The following KLHDC8A variants were observed in gnomAD, a reference collection of about 807,000 sequenced individuals.
KLHDC8A encodes the protein kelch domain-containing protein 8A.
KLHDC8A carries 21 observed loss-of-function variants against 33.1 expected under a neutral mutation model. The ratio of observed to expected loss-of-function variants is 0.64; its 90% CI spans 0.45 to 0.91. The LOEUF (loss-of-function observed/expected upper bound fraction) is 0.91, where lower values mean the gene tolerates loss of function less well. Among genes scored for constraint, KLHDC8A ranks in the 40% least tolerant of loss-of-function variants. The pLI, the probability that KLHDC8A is intolerant of heterozygous loss-of-function variation, is 0.00. For missense variants in KLHDC8A, 435 were observed against 483.3 expected (o/e 0.90, Z 0.94); for synonymous variants, 173 against 193.5 (o/e 0.89, Z 0.88).
At position 205,339,803 on chromosome 1, in the gene KLHDC8A, G is replaced by A. The variant is rs780958783; in HGVS notation, c.382C>T (p.Arg128Ter). 3.7e-6 allele frequency: 6 copies of A among 1,613,690 alleles called. No individual in the cohort carries two copies. The highest frequency in any genetic ancestry group is 1.7e-4 in the Middle Eastern group (1 of 6,004). Reference protein sequence around the residue: ...MGISVTAKDYRVYAAGGMGLD... With the variant: ...MGISVTAKDY The stretch of plus-strand genomic sequence containing the variant: ...CCCATCCCGCCTGCCGCATATACTC[G>A]GTAATCTAAGAAGAAAGGCCATACA... Residue 128 changes from arginine to a stop codon, truncating the protein, a stop_gained, in exon 3 of 6, where the codon CGA becomes TGA. Coordinates refer to ENST00000367155, the MANE Select transcript of KLHDC8A (RefSeq NM_018203.3). LOFTEE classifies it high-confidence loss of function. This position sits in a 1 kb window ranked among gnomAD's most constrained non-coding sequence, Gnocchi z 5.1.
rs1558692688 is a variant in KLHDC8A at position 205,356,615 on chromosome 1, GTGTTGGCTC to G, written c.-281_-273del. ...GAGGGGCCGGGAGAGGGTCGAGCGGGTGTTGGCTCTGAGGCTTGTCCTAGGAGCTGGCTG... is the reference window on the plus strand; with the variant it reads ...GAGGGGCCGGGAGAGGGTCGAGCGGGTGAGGCTTGTCCTAGGAGCTGGCTG... On this transcript the variant is annotated 5_prime_UTR_variant, in exon 1 of 6. Transcript: ENST00000367155. The G allele has an allele frequency of 2.2e-6, 1 of 456,108 alleles. No homozygotes were observed. Among genetic ancestry groups the G allele is most frequent in the South Asian group, 1.6e-5 (1 of 64,504 alleles). 28.3% of individuals were successfully genotyped at this position (456,108 alleles called of 1,614,324 possible). A position where few individuals can be genotyped will look rare whatever the true frequency, so the allele number is the denominator to read the frequency against.
chr1:205,356,487 A>C (rs1313629989), intron 1 of KLHDC8A, 46 bp downstream of exon 1: 3 of 454,036 alleles, frequency 6.6e-6, no homozygotes, highest in Non-Finnish European at 1.3e-5. Context: ...AGGCCCTCAG[A>C]ATGCCAAGGC....
At chr1:205,356,450 G>T (rs1663278031) in intron 1 of KLHDC8A, 83 bp downstream of exon 1, 2 of 443,118 alleles carry the variant, frequency 4.5e-6, no homozygotes, top group Admixed American at 4.8e-5. Flanking sequence ...TCCTCTCACA[G>T]ACACCACTGC....
intron 1 of KLHDC8A, among the ~76,000 whole-genome samples, chr1:205,347,338 A>G (rs1482091858): frequency 2.0e-5 from 3 of 152,186 alleles, no homozygotes; most frequent in Non-Finnish European, 4.4e-5. Flanking sequence ...CTGGTCAGAA[A>G]GTTCTTCCTC....
At chr1:205,338,757 A>G (rs2102278318) in intron 4 of KLHDC8A, among the ~76,000 whole-genome samples, 161 bp from the exon 5 acceptor site, 1 of 152,074 alleles carries the variant, frequency 6.6e-6, no homozygotes, top group East Asian at 1.9e-4. Flanking sequence ...GCTGTTTCAA[A>G]TTCTCTGTGG....
chr1:205,344,367 C>T (rs1662888137), intron 1 of KLHDC8A: 1 of 152,518 alleles, frequency 6.6e-6, no homozygotes, highest in Non-Finnish European at 1.5e-5. Flanking sequence ...CATCCGCAGC[C>T]ACCACACCTG....
At chr1:205,351,526 G>T in intron 1 of KLHDC8A, 2 of 623,536 alleles carry the variant, frequency 3.2e-6, no homozygotes, top group Non-Finnish European at 6.1e-6. Flanking sequence ...CATAGGTCCT[G>T]TTTTACTATG....
In KLHDC8A at chr1:205,348,334, G is replaced by A. The variant is rs376356866; in HGVS notation, c.-189-4541C>T. On this transcript the variant is annotated intron_variant, in intron 1 of 5. Transcript: ENST00000367155. ...GATAGGAGGGAAGAGGAGTTGTTTAGTGATTAGCTGCTCCTTATCCCTCCC... is the reference window on the plus strand; with the variant it reads ...GATAGGAGGGAAGAGGAGTTGTTTAATGATTAGCTGCTCCTTATCCCTCCC... 1.1e-4 allele frequency: 16 copies of A among 152,236 alleles called. 1 individual carries two copies. The highest frequency in any genetic ancestry group is 3.9e-4 in the African/African-American group (16 of 41,534). 9.4% of individuals were successfully genotyped at this position (152,236 alleles called of 1,614,324 possible). A position where few individuals can be genotyped will look rare whatever the true frequency, so the allele number is the denominator to read the frequency against.
chr1:205,341,675 G>C (rs2102282742), intron 2 of KLHDC8A, among the ~76,000 whole-genome samples: 1 of 151,346 alleles, frequency 6.6e-6, no homozygotes, highest in South Asian at 2.1e-4. Context: ...TTTTGATACG[G>C]AGTCTTGCTC....
At chr1:205,356,373 G>A (rs207461022) in intron 1 of KLHDC8A, among the ~76,000 whole-genome samples, 160 bp downstream of exon 1, 1 of 151,998 alleles carries the variant, frequency 6.6e-6, no homozygotes, top group Non-Finnish European at 1.5e-5. Context: ...CCCAGCTGAG[G>A]AGAAAAGGCC....
At chr1:205,351,574 T>A in intron 1 of KLHDC8A, 1 of 577,962 alleles carries the variant, frequency 1.7e-6, no homozygotes, top group Non-Finnish European at 3.1e-6. Context: ...CATATTAGAC[T>A]TTTTGTTAAA....
intron 2 of KLHDC8A, among the ~76,000 whole-genome samples, chr1:205,342,603 G>T (rs1036558321): frequency 1.3e-5 from 2 of 152,186 alleles, no homozygotes; most frequent in Admixed American, 6.5e-5. Context: ...ACGGAGGGAA[G>T]GTTGCATCCC....
At chr1:205,352,388 C>T (rs1040073661) in intron 1 of KLHDC8A, among the ~76,000 whole-genome samples, 2 of 152,138 alleles carry the variant, frequency 1.3e-5, no homozygotes, top group African/African-American at 2.4e-5. Flanking sequence ...CACACACACA[C>T]ACACATACAC....
chr1:205,339,138 G>T lies in KLHDC8A; in HGVS notation c.757+56C>A. On this transcript the variant is annotated intron_variant, in intron 4 of 5. Transcript: ENST00000367155. The surrounding 1 kb of genome is among the most constrained non-coding windows in gnomAD (Gnocchi z 5.1). ...CTGGAATAGGGGTAAGGGATGGGGA[G>T]CCAGCCAGAAGGGCAGTGGGCAGCC... 6.8e-7 allele frequency: 1 copy of T among 1,467,786 alleles called. No homozygotes were observed. The highest frequency in any genetic ancestry group is 9.5e-7 in the Non-Finnish European group (1 of 1,054,504). The allele number at this position is 1,467,786 out of a possible 1,614,324, so 90.9% of individuals were successfully genotyped here.
At chr1:205,352,613 C>T (rs1288289452) in intron 1 of KLHDC8A, among the ~76,000 whole-genome samples, 2 of 152,134 alleles carry the variant, frequency 1.3e-5, no homozygotes, top group African/African-American at 2.4e-5. Flanking sequence ...GAGCTGGCTG[C>T]GAGTGTGTTG....
Position 205,343,517 on chromosome 1 carries a change from C to A in KLHDC8A, c.88G>T (p.Gly30Trp). The change falls in exon 2 of 6, where the codon GGG (glycine) becomes TGG (tryptophan). Residue 30 changes from glycine to tryptophan, a missense_variant. Transcript: ENST00000367155. ...RRVYCSLLETGGQVYAIGGCD... is the reference protein window; with the variant it reads ...RRVYCSLLETWGQVYAIGGCD... ...CCCCCGATGGCATAGACCTGGCCCC[C>A]GGTCTCCAGCAGGGAGCAGTAGACC... 5.0e-6 allele frequency: 8 copies of A among 1,613,314 alleles called. No homozygotes were observed. The highest frequency in any genetic ancestry group is 6.8e-6 in the Non-Finnish European group (8 of 1,179,804).
At chr1:205,351,601 T>TAAAAAAAA in intron 1 of KLHDC8A, 1 of 257,830 alleles carries the variant, frequency 3.9e-6, no homozygotes. Context: ...TCTGTAATAG[T>TAAAAAAAA]CAAAAAAAAA....
chr1:205,351,461 C>G, intron 1 of KLHDC8A: 3 of 784,362 alleles, frequency 3.8e-6, no homozygotes, highest in Non-Finnish European at 7.1e-6. Flanking sequence ...ATGTTAGAAG[C>G]CTTGGAATGA....
At chr1:205,345,798 G>A (rs971591023) in intron 1 of KLHDC8A, among the ~76,000 whole-genome samples, 1 of 152,044 alleles carries the variant, frequency 6.6e-6, no homozygotes, top group Admixed American at 6.6e-5. Context: ...ATCGAGGCCG[G>A]ATTTGGTGGC....
Sources: gnomAD v4.1 joint callset for allele counts (sites outside exome capture counted in the v4.1 genomes callset) on GRCh38, gnomAD v4.1.1 for gene constraint, Gnocchi (gnomAD v3.1) non-coding constraint, MANE v1.5 for transcripts, NCBI Gene and HGNC (gene_info 2026-07-23, HGNC 2026-07-21) for gene names.